Variants in SLC25A16 observed in about 807,000 individuals in gnomAD.
SLC25A16 encodes the protein solute carrier family 25 member 16, also known as mitochondrial coenzyme A transporter SLC25A16.
In SLC25A16, 39 loss-of-function variants were observed where a neutral mutation model predicts 41.5. That is an observed-to-expected ratio of 0.94 (90% CI 0.73 to 1.23). SLC25A16 has a LOEUF of 1.23. Among genes scored for constraint, SLC25A16 ranks in the 50% most tolerant of loss-of-function variants. SLC25A16 has a pLI of 0.00. For missense variants in SLC25A16, 421 were observed against 426.9 expected (o/e 0.99, Z 0.12); for synonymous variants, 146 against 147.8 (o/e 0.99, Z 0.09).
At chr10:68,525,442 T>C (rs1430570495) in intron 1 of SLC25A16, among the ~76,000 whole-genome samples, 1 of 152,112 alleles carries the variant, frequency 6.6e-6, no homozygotes, top group Non-Finnish European at 1.5e-5. Context: ...AGCGAATTTT[T>C]ATTGTTTGTT....
At chr10:68,485,726 G>A (rs1805166188) in intron 8 of SLC25A16, among the ~76,000 whole-genome samples, 1 of 151,448 alleles carries the variant, frequency 6.6e-6, no homozygotes, top group African/African-American at 2.4e-5. Flanking sequence ...CTAGGCTGGA[G>A]TACAGTGGCG....
rs2052497719 is a variant in SLC25A16 at position 68,482,677 on chromosome 10, C to A, written c.*755G>T. On this transcript the variant is annotated 3_prime_UTR_variant, in exon 9 of 9. Coordinates refer to ENST00000609923, the MANE Select transcript of SLC25A16 (RefSeq NM_152707.4). ...AAACACATGTAAGTCACTCATAGTA[C>A]CTCATAATAACATTTGAGCAAGACT... The A allele has an allele frequency of 6.6e-6, 1 of 152,004 alleles. No individual in the cohort carries two copies. The highest frequency in any genetic ancestry group is 6.6e-5 in the Admixed American group (1 of 15,228). The allele number at this position is 152,004 out of a possible 1,614,324, so 9.4% of individuals were successfully genotyped here. A position where few individuals can be genotyped will look rare whatever the true frequency, so the allele number is the denominator to read the frequency against.
At chr10:68,496,574 A>C in intron 4 of SLC25A16, 1 of 984,058 alleles carries the variant, frequency 1.0e-6, no homozygotes, top group Non-Finnish European at 1.2e-6. Context: ...ATGAATGTGC[A>C]AACTCTTCTC....
chr10:68,501,565 GAGAGGAGGGGAGGGA>G, intron 4 of SLC25A16, among the ~76,000 whole-genome samples: 1 of 150,188 alleles, frequency 6.7e-6, no homozygotes, highest in Admixed American at 6.6e-5. Context: ...GAGGGGAGGG[GAGAGGAGGGGAGGGA>G]AGAGGAGGGA....
At chr10:68,521,063 G>T (rs868706680) in intron 1 of SLC25A16, among the ~76,000 whole-genome samples, 10 of 151,768 alleles carry the variant, frequency 6.6e-5, no homozygotes, top group Middle Eastern at 3.2e-3. Flanking sequence ...GAACTTGGGA[G>T]GCAGAGGTTG....
At position 68,479,309 on chromosome 10, in the gene SLC25A16, G is replaced by A. The variant is rs1426122047; in HGVS notation, c.*4123C>T. The A allele has an allele frequency of 1.3e-5, 2 of 152,154 alleles. No individual in the cohort carries two copies. The highest frequency in any genetic ancestry group is 1.3e-4 in the Admixed American group (2 of 15,258). The allele number at this position is 152,154 out of a possible 1,614,324, so 9.4% of individuals were successfully genotyped here. On this transcript the variant is annotated 3_prime_UTR_variant, in exon 9 of 9. Transcript: ENST00000609923. ...TTGAAGGAACCAGATATTGGGATGTGGGGACACTGATAAACAGGCAGTTAG... is the reference window on the plus strand; with the variant it reads ...TTGAAGGAACCAGATATTGGGATGTAGGGACACTGATAAACAGGCAGTTAG...
At chr10:68,509,743 C>A (rs9414977) in intron 2 of SLC25A16, among the ~76,000 whole-genome samples, 5,515 of 144,618 alleles carry the variant, frequency 0.038, 133 homozygotes, top group Middle Eastern at 0.082. Flanking sequence ...ATATATATAT[C>A]TATATATATA....
intron 1 of SLC25A16, among the ~76,000 whole-genome samples, chr10:68,526,562 CTT>C (rs1024473287): frequency 1.3e-5 from 2 of 152,136 alleles, no homozygotes; most frequent in African/African-American, 4.8e-5. Flanking sequence ...GTCTCTGTGT[CTT>C]TTTCTTTCCT....
At chr10:68,503,903 T>A (rs2052902146) in intron 3 of SLC25A16, among the ~76,000 whole-genome samples, 1 of 152,110 alleles carries the variant, frequency 6.6e-6, no homozygotes, top group Non-Finnish European at 1.5e-5. Context: ...TCTGCTTTAA[T>A]TTTTTGCATT....
intron 4 of SLC25A16, chr10:68,503,235 C>CA (rs2052888217): frequency 6.5e-6 from 1 of 154,574 alleles, no homozygotes; most frequent in Admixed American, 6.5e-5. Context: ...TCTCCACTCA[C>CA]ACTGCATTAC....
chr10:68,517,974 GA>G (rs376167803), intron 1 of SLC25A16: 35 of 145,574 alleles, frequency 2.4e-4, no homozygotes, highest in Non-Finnish European at 3.2e-4. Flanking sequence ...CCATCTCAAA[GA>G]AAAAAAAAAA....
intron 2 of SLC25A16, among the ~76,000 whole-genome samples, chr10:68,509,772 G>C (rs1590116734): frequency 6.8e-6 from 1 of 147,748 alleles, no homozygotes; most frequent in Admixed American, 6.8e-5. Flanking sequence ...GATATAGATA[G>C]ATAGATATAT....
intron 3 of SLC25A16, among the ~76,000 whole-genome samples, chr10:68,505,819 G>A (rs575520572): frequency 5.3e-5 from 8 of 152,124 alleles, no homozygotes; most frequent in East Asian, 3.9e-4. Context: ...TGGATCACGC[G>A]GTCAGGAGTT....
intron 3 of SLC25A16, among the ~76,000 whole-genome samples, 164 bp from the exon 4 acceptor site, chr10:68,503,859 T>C (rs1023857315): frequency 6.6e-6 from 1 of 152,164 alleles, no homozygotes; most frequent in Non-Finnish European, 1.5e-5. Flanking sequence ...GGCAGTGTTA[T>C]ATCACAGCAG....
At chr10:68,490,972 C>A (rs1289777029) in intron 6 of SLC25A16, among the ~76,000 whole-genome samples, 1 of 151,994 alleles carries the variant, frequency 6.6e-6, no homozygotes, top group East Asian at 1.9e-4. Flanking sequence ...TCGCTGAAGC[C>A]TCAACCTCCT....
chr10:68,513,746 T>C (rs1590121298), intron 2 of SLC25A16, among the ~76,000 whole-genome samples: 2 of 152,060 alleles, frequency 1.3e-5, no homozygotes, highest in South Asian at 4.2e-4. Flanking sequence ...AAAAATTAAC[T>C]GGACATGGTG....
chr10:68,515,775 G>A (rs1240556187), intron 2 of SLC25A16, among the ~76,000 whole-genome samples: 2 of 152,000 alleles, frequency 1.3e-5, no homozygotes, highest in Non-Finnish European at 2.9e-5. Flanking sequence ...TCCAGCCTGG[G>A]CAACAAGAGC....
intron 2 of SLC25A16, among the ~76,000 whole-genome samples, chr10:68,513,274 T>C (rs1204401526): frequency 6.6e-6 from 1 of 150,986 alleles, no homozygotes; most frequent in Admixed American, 6.6e-5. Flanking sequence ...CTGGGCACAG[T>C]GGTGCATGCC....
At chr10:68,518,629 C>T (rs1486794070) in intron 1 of SLC25A16, among the ~76,000 whole-genome samples, 1 of 151,556 alleles carries the variant, frequency 6.6e-6, no homozygotes, top group African/African-American at 2.4e-5. Context: ...CAAAAATTAG[C>T]TGGGCATGGT....
Sources: allele counts gnomAD v4.1 joint callset (sites outside exome capture counted in the v4.1 genomes callset), GRCh38; gene constraint gnomAD v4.1.1; transcripts MANE v1.5; gene names NCBI Gene and HGNC (gene_info 2026-07-23, HGNC 2026-07-21).